The following SCHIP1 variants were observed in gnomAD, a reference collection of about 807,000 sequenced individuals.
The protein encoded by SCHIP1 is schwannomin-interacting protein 1.
A neutral mutation model predicts 29.7 loss-of-function variants in SCHIP1; 8 were observed. The observed-to-expected ratio is 0.27, with a 90% CI of 0.16 to 0.49. The LOEUF is 0.49. SCHIP1 is among the 20% of genes least tolerant of loss of function. The pLI, the probability that SCHIP1 is intolerant of heterozygous loss-of-function variation, is 0.99. For synonymous variants in SCHIP1, 76 were observed against 94.9 expected (o/e 0.80, Z 1.16); for missense variants, 193 against 294.6 (o/e 0.66, Z 2.52).
intron 2 of SCHIP1, among the ~76,000 whole-genome samples, chr3:159,879,653 T>C (rs962398909): frequency 1.3e-5 from 2 of 152,222 alleles, no homozygotes; most frequent in African/African-American, 2.4e-5. Flanking sequence ...CTTTCATTCA[T>C]GCTAGAGAAC....
intron 5 of SCHIP1, among the ~76,000 whole-genome samples, chr3:159,889,305 C>T (rs901880491): frequency 9.9e-5 from 15 of 152,174 alleles, no homozygotes; most frequent in Admixed American, 3.3e-4. Flanking sequence ...ACACATTCAT[C>T]GTAGGTATCA....
chr3:159,616,750 C>T, the SCHIP1 span, among the ~76,000 whole-genome samples: 1 of 152,048 alleles, frequency 6.6e-6, no homozygotes, highest in East Asian at 1.9e-4. Flanking sequence ...GAACATGTCC[C>T]TTGCAAGTTG....
the SCHIP1 span, among the ~76,000 whole-genome samples, chr3:159,501,351 A>G: frequency 6.6e-6 from 1 of 152,234 alleles, no homozygotes; most frequent in Non-Finnish European, 1.5e-5. Flanking sequence ...TCACTAATTT[A>G]GTGACAGATT....
the SCHIP1 span, among the ~76,000 whole-genome samples, chr3:159,496,329 G>A: frequency 6.6e-6 from 1 of 152,116 alleles, no homozygotes; most frequent in Admixed American, 6.5e-5. Flanking sequence ...CCTACGAAAT[G>A]GGAGAAAATT....
At chr3:159,501,567 A>G in the SCHIP1 span, among the ~76,000 whole-genome samples, 1 of 152,182 alleles carries the variant, frequency 6.6e-6, no homozygotes, top group Admixed American at 6.5e-5. Context: ...TGGTATTCTC[A>G]TGGTATATAT....
At chr3:159,486,857 G>A in the SCHIP1 span, among the ~76,000 whole-genome samples, 6 of 152,324 alleles carry the variant, frequency 3.9e-5, no homozygotes, top group African/African-American at 1.4e-4. Flanking sequence ...TCACAGGCCA[G>A]ATCTAGGTCA....
At chr3:159,886,362 G>T in intron 3 of SCHIP1, 38 bp downstream of exon 4, 1 of 1,571,614 alleles carries the variant, frequency 6.4e-7, no homozygotes. Context: ...TCGGTGTTGT[G>T]ATTTCCGGGC....
chr3:159,534,557 G>A, the SCHIP1 span, among the ~76,000 whole-genome samples: 3 of 152,198 alleles, frequency 2.0e-5, no homozygotes, highest in Non-Finnish European at 4.4e-5. Flanking sequence ...TGCCTTGGGT[G>A]TTAACATCCA....
At chr3:159,641,940 A>T in the SCHIP1 span, among the ~76,000 whole-genome samples, 1 of 152,158 alleles carries the variant, frequency 6.6e-6, no homozygotes, top group Non-Finnish European at 1.5e-5. Context: ...CTTGAACTAG[A>T]TCTTCAAACA....
intron 1 of SCHIP1, among the ~76,000 whole-genome samples, chr3:159,850,130 T>C (rs1712385438): frequency 6.6e-6 from 1 of 152,224 alleles, no homozygotes; most frequent in South Asian, 2.1e-4. Flanking sequence ...ATTTCATTTC[T>C]TGAGGCTTCA....
chr3:159,324,385 G>T, the SCHIP1 span, among the ~76,000 whole-genome samples: 1 of 152,000 alleles, frequency 6.6e-6, no homozygotes, highest in Admixed American at 6.6e-5. Context: ...ATATAACAGG[G>T]TATATTACCA....
upstream of SCHIP1, among the ~76,000 whole-genome samples, chr3:159,837,897 C>T (rs1743828135): frequency 6.6e-6 from 1 of 152,152 alleles, no homozygotes; most frequent in Admixed American, 6.5e-5. Flanking sequence ...TCCCTACCCC[C>T]AGGCTTCTGC....
At chr3:159,362,708 G>C in the SCHIP1 span, among the ~76,000 whole-genome samples, 1 of 152,088 alleles carries the variant, frequency 6.6e-6, no homozygotes, top group Non-Finnish European at 1.5e-5. Context: ...TTTCCCCCCC[G>C]GCCATGAGCC....
the SCHIP1 span, among the ~76,000 whole-genome samples, chr3:159,472,127 A>G: frequency 6.6e-6 from 1 of 152,178 alleles, no homozygotes; most frequent in East Asian, 1.9e-4. Flanking sequence ...AGTCATTACT[A>G]TTTTAATTAT....
At chr3:159,463,061 A>G in the SCHIP1 span, among the ~76,000 whole-genome samples, 1 of 151,872 alleles carries the variant, frequency 6.6e-6, no homozygotes, top group Non-Finnish European at 1.5e-5. Context: ...ATTGTCAATC[A>G]ATATTATATA....
the SCHIP1 span, among the ~76,000 whole-genome samples, chr3:159,700,250 T>C: frequency 1.2e-3 from 190 of 152,286 alleles, no homozygotes; most frequent in African/African-American, 4.5e-3. Context: ...CTAAGTGACA[T>C]GCAAATTAAG....
chr3:159,510,345 T>C, the SCHIP1 span, among the ~76,000 whole-genome samples: 1 of 152,332 alleles, frequency 6.6e-6, no homozygotes, highest in East Asian at 1.9e-4. Context: ...TTCTCTGCAT[T>C]GGTTATTCTA....
At chr3:159,736,847 G>C in the SCHIP1 span, among the ~76,000 whole-genome samples, 3 of 151,622 alleles carry the variant, frequency 2.0e-5, no homozygotes, top group Non-Finnish European at 4.4e-5. Flanking sequence ...CCATTCTCCT[G>C]CCTCAGTCTC....
At chr3:159,886,235 T>C (rs1346479693) in exon 3 of SCHIP1, 2 of 1,614,240 alleles carry the variant, frequency 1.2e-6, no homozygotes, top group Non-Finnish European at 1.7e-6. Context: ...CTTGCAGATA[T>C]GCTTTGTCAA....
Sources: gnomAD v4.1 joint callset for allele counts (sites outside exome capture counted in the v4.1 genomes callset) on GRCh38, gnomAD v4.1.1 for gene constraint, MANE v1.5 for transcripts, NCBI Gene and HGNC (gene_info 2026-07-23, HGNC 2026-07-21) for gene names.